Variants in SERPINB9 observed in about 807,000 individuals in gnomAD.
SERPINB9 encodes serpin family B member 9.
SERPINB9 carries 20 observed loss-of-function variants against 27.2 expected under a neutral mutation model. That is an observed-to-expected ratio of 0.74 (90% confidence interval 0.52 to 1.07). The LOEUF is 1.07. Among genes scored for constraint, SERPINB9 ranks in the 50% least tolerant of loss-of-function variants. The pLI is 0.00. For missense variants in SERPINB9, 476 were observed against 460.1 expected (o/e 1.03, Z -0.32); for synonymous variants, 189 against 180.0 (o/e 1.05, Z -0.40).
At chr6:2,893,673 G>T in intron 4 of SERPINB9, 120 bp from the exon 5 acceptor site, 1 of 790,128 alleles carries the variant, frequency 1.3e-6, no homozygotes, top group Non-Finnish European at 2.0e-6. Context: ...AGTTTGGGTT[G>T]TTATGTAGAG....
In SERPINB9 at chr6:2,890,317, C is replaced by A. The variant is rs760340465; in HGVS notation, c.977G>T (p.Gly326Val). ...GCTCGACGCTGCCGCTGCCTCGGTG[C>A]CTTCTTCATTCACCTCCACAAAACT... ...HKSFVEVNEE[G>V]TEAAAASSCF... The change falls in exon 7 of 7, where the codon GGC becomes GTC. Residue 326 changes from glycine (G) to valine (V), a missense_variant. Physicochemically the swap from Gly to Val is moderately radical, Grantham distance 109 (BLOSUM62 -3). Transcript: ENST00000380698. The surrounding 1 kb of genome is among the most constrained non-coding windows in gnomAD (Gnocchi z 6.2). 6.2e-7 allele frequency: 1 copy of A among 1,614,092 alleles called. No homozygotes were observed. Among genetic ancestry groups the A allele is most frequent in the Admixed American group, 1.7e-5 (1 of 60,000 alleles).
At chr6:2,901,751 C>A (rs1246654021) in intron 1 of SERPINB9, among the ~76,000 whole-genome samples, 2 of 152,084 alleles carry the variant, frequency 1.3e-5, no homozygotes, top group Non-Finnish European at 2.9e-5. Context: ...CCAAGGCCTG[C>A]CCTCTACGCC....
chr6:2,900,081 A>C (rs1768143525), intron 2 of SERPINB9: 1 of 364,254 alleles, frequency 2.7e-6, no homozygotes, highest in African/African-American at 2.1e-5. Context: ...TACCAATGAA[A>C]GTTTAGTTAC....
At chr6:2,897,489 T>A (rs891442362) in intron 2 of SERPINB9, among the ~76,000 whole-genome samples, 1 of 151,950 alleles carries the variant, frequency 6.6e-6, no homozygotes, top group South Asian at 2.1e-4. Flanking sequence ...ACAAACAAAT[T>A]CTTCTAAATA....
chr6:2,898,592 T>C (rs997728671), intron 2 of SERPINB9, among the ~76,000 whole-genome samples: 5 of 151,930 alleles, frequency 3.3e-5, no homozygotes, highest in African/African-American at 4.8e-5. Context: ...CCAAGGCGGG[T>C]GGATCACGAG....
At chr6:2,897,139 A>C (rs1040579431) in intron 2 of SERPINB9, among the ~76,000 whole-genome samples, 14 of 149,454 alleles carry the variant, frequency 9.4e-5, no homozygotes, top group South Asian at 2.1e-4. Context: ...AAAAAAAAAA[A>C]CACAAAAAAT....
chr6:2,900,778 G>A (rs919769836), intron 1 of SERPINB9, among the ~76,000 whole-genome samples, 157 bp from the exon 2 acceptor site: 2 of 151,858 alleles, frequency 1.3e-5, no homozygotes, highest in East Asian at 1.9e-4. Context: ...GTTAGTCTCC[G>A]GCCAAAAATT....
At chr6:2,893,296 T>C (rs2113604813) in intron 5 of SERPINB9, 115 bp downstream of exon 5, 1 of 1,008,182 alleles carries the variant, frequency 9.9e-7, no homozygotes, top group Non-Finnish European at 1.4e-6. Context: ...TCAGAAATAC[T>C]TTAAGTTTCA....
chr6:2,896,053 T>G lies in SERPINB9; in HGVS notation c.306A>C (p.Ser102=). Reference sequence around the variant, plus strand: ...TTATTGTTCTATTGATTCAACTTACTGAGAGGAACTGACAAGTTTTCTCTC... The same window carrying G: ...TTATTGTTCTATTGATTCAACTTACGGAGAGGAACTGACAAGTTTTCTCTC... The part of the protein sequence containing the change: ...LFGEKTCQFL[S]TFKESCLQFY... The change falls in exon 3 of 7, where the codon TCA becomes TCC. Residue 102 remains serine, a splice_region_variant and synonymous_variant. Coordinates refer to ENST00000380698, the MANE Select transcript of SERPINB9 (RefSeq NM_004155.6). 1 of 1,612,466 alleles carries G rather than the reference T, an allele frequency of 6.2e-7. No individual in the cohort carries two copies.
chr6:2,900,305 G>T, intron 2 of SERPINB9, 139 bp downstream of exon 2: 1 of 983,288 alleles, frequency 1.0e-6, no homozygotes, highest in Non-Finnish European at 1.5e-6. Flanking sequence ...AGTGGACCCC[G>T]CCTCCCTGAA....
chr6:2,896,256 AG>A, intron 2 of SERPINB9, 66 bp from the exon 3 acceptor site: 1 of 1,487,018 alleles, frequency 6.7e-7, no homozygotes, highest in Non-Finnish European at 9.2e-7. Context: ...GAGGAGAGAG[AG>A]GGGACAGAAA....
chr6:2,893,464 TC>T lies in SERPINB9; in HGVS notation c.513del (p.Trp171Ter). 6.2e-7 allele frequency: 1 copy of T among 1,613,556 alleles called. No homozygotes were observed. The highest frequency in any genetic ancestry group is 2.2e-5 in the East Asian group (1 of 44,840). On this transcript the variant is annotated frameshift_variant, in exon 5 of 7. Transcript: ENST00000380698. LOFTEE classifies it high-confidence loss of function. ...LVNAIYFKGK[W>X]NEPFDETYTR... ...GTGTATGTTTCGTCAAACGGTTCAT[TC>T]CACTTTCCTTTGAAGTAGATGGCAT...
At chr6:2,892,121 A>AAAAT (rs1767829074) in intron 5 of SERPINB9, 133 bp from the exon 6 acceptor site, 1 of 818,074 alleles carries the variant, frequency 1.2e-6, no homozygotes, top group South Asian at 1.7e-5. Flanking sequence ...AAAAAAAAAA[A>AAAAT]AAAAAAAAAA....
chr6:2,891,724 G>A lies in SERPINB9; in HGVS notation c.723+109C>T. ...TCCCAACGCCAAGTGCCTGCACAGT[G>A]TGCGTCTGCCGCATCGCCAACTCAG... On this transcript the variant is annotated intron_variant, in intron 6 of 6. Transcript: ENST00000380698. The surrounding 1 kb of genome is among the most constrained non-coding windows in gnomAD (Gnocchi z 4.0). The A allele has an allele frequency of 7.7e-7, 1 of 1,301,068 alleles. No homozygotes were observed. Among genetic ancestry groups the A allele is most frequent in the Non-Finnish European group, 1.0e-6 (1 of 955,220 alleles). 80.6% of individuals were successfully genotyped at this position (1,301,068 alleles called of 1,614,324 possible). A position where few individuals can be genotyped will look rare whatever the true frequency, so the allele number is the denominator to read the frequency against.
intron 1 of SERPINB9, among the ~76,000 whole-genome samples, chr6:2,902,230 CGCG>C (rs1768229486): frequency 1.3e-5 from 2 of 152,134 alleles, no homozygotes; most frequent in Admixed American, 6.5e-5. Flanking sequence ...CCTCAAACAC[CGCG>C]GCCCGGAGGC....
chr6:2,902,614 A>T (rs1581203492), intron 1 of SERPINB9, among the ~76,000 whole-genome samples: 2 of 151,904 alleles, frequency 1.3e-5, no homozygotes, highest in East Asian at 3.9e-4. Context: ...CTGCCTCCCG[A>T]GTTGAAGTGA....
Position 2,890,687 on chromosome 6 carries a change from C to T in SERPINB9, c.724-117G>A. 3 of 958,724 alleles carry T rather than the reference C, an allele frequency of 3.1e-6. No individual in the cohort carries two copies. Among genetic ancestry groups the T allele is most frequent in the Non-Finnish European group, 4.7e-6 (3 of 639,370 alleles). The allele number at this position is 958,724 out of a possible 1,614,324, so 59.4% of individuals were successfully genotyped here. ...TAGGTGTTGTTTGTTCACATAGGAT[C>T]AGTGGCCCCTTCATCTGCCAGAAGC... On this transcript the variant is annotated intron_variant, in intron 6 of 6. Coordinates refer to ENST00000380698, the MANE Select transcript of SERPINB9 (RefSeq NM_004155.6). This position sits in a 1 kb window ranked among gnomAD's most constrained non-coding sequence, Gnocchi z 6.2.
intron 5 of SERPINB9, among the ~76,000 whole-genome samples, chr6:2,892,418 T>A (rs1767843352): frequency 6.6e-6 from 1 of 152,160 alleles, no homozygotes; most frequent in South Asian, 2.1e-4. Context: ...AAACTTATAG[T>A]TCCACAACAG....
chr6:2,900,604 G>A lies in SERPINB9; in HGVS notation c.8C>T (p.Thr3Ile). ME[T>I]LSNASGTFAI... ...AAAAGTACCACTTGCATTAGAAAGA[G>A]TTTCCATGATGCAGGGCCTGGAAGG... The change falls in exon 2 of 7, where the codon ACT becomes ATT. Residue 3 changes from threonine (T) to isoleucine (I), a missense_variant. Physicochemically the swap from Thr to Ile is moderately conservative, Grantham distance 89. Coordinates refer to ENST00000380698, the MANE Select transcript of SERPINB9 (RefSeq NM_004155.6). The A allele has an allele frequency of 6.2e-7, 1 of 1,614,040 alleles. No homozygotes were observed. The highest frequency in any genetic ancestry group is 8.5e-7 in the Non-Finnish European group (1 of 1,179,950).
Sources: allele counts gnomAD v4.1 joint callset (sites outside exome capture counted in the v4.1 genomes callset), GRCh38; gene constraint gnomAD v4.1.1; non-coding constraint Gnocchi (gnomAD v3.1); transcripts MANE v1.5; gene names NCBI Gene and HGNC (gene_info 2026-07-23, HGNC 2026-07-21).